The following ARMC9 variants were observed in gnomAD, a reference collection of about 807,000 sequenced individuals.
ARMC9 encodes lisH domain-containing protein ARMC9.
A neutral mutation model predicts 107.0 loss-of-function variants in ARMC9; 94 were observed. The ratio of observed to expected loss-of-function variants is 0.88; its 90% CI spans 0.74 to 1.04. The LOEUF (loss-of-function observed/expected upper bound fraction) is 1.04, where lower values mean the gene tolerates loss of function less well. Ranked by LOEUF, ARMC9 falls within the 50% of genes least tolerant of loss-of-function variation. ARMC9 has a pLI of 0.00. For missense variants in ARMC9, 942 were observed against 1,030.1 expected (o/e 0.91, Z 1.17); for synonymous variants, 380 against 396.9 (o/e 0.96, Z 0.51).
chr2:231,339,173 C>CA (rs1211875152), intron 20 of ARMC9, among the ~76,000 whole-genome samples: 1 of 151,848 alleles, frequency 6.6e-6, no homozygotes, highest in East Asian at 2.0e-4. Flanking sequence ...ACTAAAAATA[C>CA]AAAAATTAGC....
Position 231,273,024 on chromosome 2 carries a change from A to AG in ARMC9, c.1282dup (p.Asp428GlyfsTer36). On this transcript the variant is annotated frameshift_variant, in exon 14 of 25. Coordinates refer to ENST00000611582, the MANE Select transcript of ARMC9 (RefSeq NM_001352754.2). LOFTEE classifies it high-confidence loss of function. ...GAGGGAAGGCTGAAGGAGGAGGACA[A>AG]GGATATCATCACCAGGGAGAATGTT... is the stretch of plus-strand genomic sequence containing the variant. 1 of 1,613,982 alleles carries AG rather than the reference A, an allele frequency of 6.2e-7. No homozygotes were observed. Among genetic ancestry groups the AG allele is most frequent in the Admixed American group, 1.7e-5 (1 of 60,010 alleles).
intron 1 of ARMC9, among the ~76,000 whole-genome samples, chr2:231,204,996 TA>T (rs1236684169): frequency 6.6e-6 from 1 of 151,944 alleles, no homozygotes; most frequent in Non-Finnish European, 1.5e-5. Context: ...GCTCACTTGT[TA>T]AAAGTGTAGA....
chr2:231,305,082 C>A (rs1474138359), intron 19 of ARMC9, among the ~76,000 whole-genome samples: 1 of 152,188 alleles, frequency 6.6e-6, no homozygotes, highest in Non-Finnish European at 1.5e-5. Context: ...GCTTTATCTG[C>A]CTGTACATTC....
chr2:231,365,388 G>A (rs138450408), intron 23 of ARMC9, among the ~76,000 whole-genome samples: 79 of 152,202 alleles, frequency 5.2e-4, no homozygotes, highest in Admixed American at 1.5e-3. Context: ...AAAATGCCTC[G>A]GGAGATGCTG....
At chr2:231,251,504 G>A (rs569861937) in intron 9 of ARMC9, among the ~76,000 whole-genome samples, 12 of 152,278 alleles carry the variant, frequency 7.9e-5, no homozygotes, top group Admixed American at 3.3e-4. Context: ...ACAATCCTGT[G>A]AGGTAGGTAC....
chr2:231,298,675 G>A (rs1294653638), intron 19 of ARMC9, among the ~76,000 whole-genome samples: 1 of 152,162 alleles, frequency 6.6e-6, no homozygotes, highest in Non-Finnish European at 1.5e-5. Flanking sequence ...GGCCAGGCAC[G>A]GTGGCTCACA....
chr2:231,291,473 T>G, intron 18 of ARMC9, 30 bp downstream of exon 18: 1 of 1,592,596 alleles, frequency 6.3e-7, no homozygotes, highest in Non-Finnish European at 8.6e-7. Context: ...CTTTGATCTA[T>G]CTTTTGAATT....
chr2:231,281,051 A>G (rs890419607), intron 16 of ARMC9, among the ~76,000 whole-genome samples: 3 of 152,164 alleles, frequency 2.0e-5, no homozygotes, highest in Admixed American at 2.0e-4. Context: ...CTGAAAAGGG[A>G]ACTTGCTTAT....
At chr2:231,287,529 GGCTTTGCTTT>G (rs201979888) in intron 17 of ARMC9, among the ~76,000 whole-genome samples, 15 of 151,852 alleles carry the variant, frequency 9.9e-5, no homozygotes, top group African/African-American at 3.4e-4. Flanking sequence ...ACTAGGTATG[GGCTTTGCTTT>G]GCTTTGCTTT....
rs187152011 is a variant in ARMC9 at position 231,360,345 on chromosome 2, G to A, written c.2132-409G>A. ...GAGCACCCTACCTCTCAGGTTGTTG[G>A]TTTTAGCAAATAAAACTACACACCA... On this transcript the variant is annotated intron_variant, in intron 22 of 24. Coordinates refer to ENST00000611582, the MANE Select transcript of ARMC9 (RefSeq NM_001352754.2). This position sits in a 1 kb window ranked among gnomAD's most constrained non-coding sequence, Gnocchi z 4.7. 2.9e-3 allele frequency among the ~76,000 whole-genome samples: 430 copies of A among 150,388 alleles called. 4 individuals carry two copies. Among genetic ancestry groups the A allele is most frequent in the Middle Eastern group, 3.4e-3 (1 of 292 alleles).
In ARMC9 at chr2:231,282,102, TTCCA is replaced by T; in HGVS notation, c.1601_1604del (p.Ser534PhefsTer25). 6.2e-7 allele frequency: 1 copy of T among 1,614,182 alleles called. No homozygotes were observed. The highest frequency in any genetic ancestry group is 8.5e-7 in the Non-Finnish European group (1 of 1,180,004). ...GGAGCTCTGTACAGCATCCTTTCTG[TTCCA>T]TCCATTCGTGAGGAAGCAAGAGCAA... On this transcript the variant is annotated frameshift_variant, in exon 17 of 25. Transcript: ENST00000611582. LOFTEE classifies it high-confidence loss of function.
intron 8 of ARMC9, among the ~76,000 whole-genome samples, chr2:231,237,891 G>A (rs7566842): frequency 7.0e-6 from 1 of 142,656 alleles, no homozygotes; most frequent in Non-Finnish European, 1.5e-5. Context: ...GCTTGTTAGA[G>A]AAATGGTTCT....
chr2:231,282,229 G>T (rs1285328695), intron 17 of ARMC9, 96 bp downstream of exon 17: 2 of 1,258,894 alleles, frequency 1.6e-6, no homozygotes, highest in Admixed American at 1.8e-5. Context: ...CCATAGAAAG[G>T]CTCAGATCCG....
chr2:231,212,478 T>C (rs751757878), intron 3 of ARMC9, among the ~76,000 whole-genome samples: 12 of 152,200 alleles, frequency 7.9e-5, no homozygotes, highest in East Asian at 1.9e-4. Flanking sequence ...CCAAGCCACA[T>C]TGATAAAATA....
chr2:231,202,803 G>T (rs1163081235), intron 1 of ARMC9, among the ~76,000 whole-genome samples: 3 of 152,100 alleles, frequency 2.0e-5, no homozygotes, highest in Non-Finnish European at 4.4e-5. Flanking sequence ...CCTGGGTAAC[G>T]GCCAAACTTC....
At position 231,311,654 on chromosome 2, in the gene ARMC9, C is replaced by T. The variant is rs187020190; in HGVS notation, c.1773+15401C>T. 7.3e-5 allele frequency among the ~76,000 whole-genome samples: 11 copies of T among 151,554 alleles called. 1 individual carries two copies. The East Asian group carries it at 2.1e-3, about 30-fold the overall frequency. On this transcript the variant is annotated intron_variant, in intron 19 of 24. Coordinates refer to ENST00000611582, the MANE Select transcript of ARMC9 (RefSeq NM_001352754.2). ...GTGTGGTGGCATGCGCCTGTAATCT[C>T]AGCTACCCTGGAGGCTGAGGAGTGA... is the stretch of plus-strand genomic sequence containing the variant.
intron 19 of ARMC9, among the ~76,000 whole-genome samples, chr2:231,314,970 G>A (rs145573911): frequency 6.6e-5 from 10 of 152,270 alleles, no homozygotes; most frequent in Non-Finnish European, 1.3e-4. Flanking sequence ...TAAATTGGCC[G>A]GGTGCGGTGG....
intron 19 of ARMC9, among the ~76,000 whole-genome samples, chr2:231,312,363 C>T (rs902250298): frequency 6.6e-6 from 1 of 152,216 alleles, no homozygotes; most frequent in Non-Finnish European, 1.5e-5. Context: ...CTCAGGGCCT[C>T]ATTTCTGCCA....
intron 17 of ARMC9, among the ~76,000 whole-genome samples, chr2:231,289,699 G>A (rs55782278): frequency 0.43 from 64,822 of 151,942 alleles, 16,358 homozygotes; most frequent in African/African-American, 0.71. Context: ...AACTGGTCCC[G>A]CAGGAGCCTG....
Sources: gnomAD v4.1 joint callset for allele counts (sites outside exome capture counted in the v4.1 genomes callset) on GRCh38, gnomAD v4.1.1 for gene constraint, Gnocchi (gnomAD v3.1) non-coding constraint, MANE v1.5 for transcripts, NCBI Gene and HGNC (gene_info 2026-07-23, HGNC 2026-07-21) for gene names.